The following MGAT4A variants were observed in gnomAD, a reference collection of about 807,000 sequenced individuals.
MGAT4A encodes the protein alpha-1,3-mannosyl-glycoprotein 4-beta-N-acetylglucosaminyltransferase A.
In MGAT4A, 33 loss-of-function variants were observed where a neutral mutation model predicts 74.1. The observed-to-expected ratio is 0.45, with a 90% CI of 0.34 to 0.60. MGAT4A has a LOEUF of 0.60. MGAT4A is among the 20% of genes least tolerant of loss of function. The pLI is 0.02. For missense variants in MGAT4A, 479 were observed against 628.3 expected (o/e 0.76, Z 2.54); for synonymous variants, 198 against 210.4 (o/e 0.94, Z 0.51).
Position 98,623,947 on chromosome 2 carries a change from A to T in MGAT4A, c.*1619T>A. ...ATCCATCTCTGCCCGTCTGCAACCAACCTGCAACCCACTTGTGGCACCCCA... is the reference window on the plus strand; with the variant it reads ...ATCCATCTCTGCCCGTCTGCAACCATCCTGCAACCCACTTGTGGCACCCCA... On this transcript the variant is annotated 3_prime_UTR_variant, in exon 16 of 16. Transcript: ENST00000393487. 1.0e-6 allele frequency: 1 copy of T among 985,096 alleles called. No individual in the cohort carries two copies. The highest frequency in any genetic ancestry group is 1.2e-6 in the Non-Finnish European group (1 of 829,952). 61.0% of individuals were successfully genotyped at this position (985,096 alleles called of 1,614,324 possible).
chr2:98,643,135 G>A (rs1272081810), intron 10 of MGAT4A, among the ~76,000 whole-genome samples: 1 of 151,600 alleles, frequency 6.6e-6, no homozygotes, highest in East Asian at 1.9e-4. Flanking sequence ...TTTTTTTTCA[G>A]AGACACAATT....
intron 14 of MGAT4A, among the ~76,000 whole-genome samples, chr2:98,626,667 C>A (rs1701149414): frequency 6.6e-6 from 1 of 151,988 alleles, no homozygotes. Flanking sequence ...GGTGGAAATT[C>A]AATATATAAT....
At chr2:98,702,998 A>T (rs1702373103) in intron 2 of MGAT4A, among the ~76,000 whole-genome samples, 1 of 152,250 alleles carries the variant, frequency 6.6e-6, no homozygotes, top group Non-Finnish European at 1.5e-5. Context: ...CAAAGGAAAA[A>T]GAAACCAGGA....
intron 2 of MGAT4A, among the ~76,000 whole-genome samples, chr2:98,702,764 A>G (rs1234635751): frequency 6.6e-6 from 1 of 152,220 alleles, no homozygotes; most frequent in Non-Finnish European, 1.5e-5. Context: ...CAACCTCTCT[A>G]GGAAACCAGG....
chr2:98,644,188 A>G, intron 9 of MGAT4A, 135 bp from the exon 10 acceptor site: 1 of 916,248 alleles, frequency 1.1e-6, no homozygotes, highest in Non-Finnish European at 1.5e-6. Flanking sequence ...CAATTTCCCC[A>G]CTTGTATTAT....
intron 2 of MGAT4A, among the ~76,000 whole-genome samples, chr2:98,706,494 T>C (rs997447229): frequency 6.6e-6 from 1 of 152,118 alleles, no homozygotes; most frequent in Non-Finnish European, 1.5e-5. Flanking sequence ...CATGCCCAGC[T>C]AATTTTTGTA....
chr2:98,623,944 C>G lies in MGAT4A; in HGVS notation c.*1622G>C. The G allele has an allele frequency of 2.0e-6, 2 of 985,480 alleles. No homozygotes were observed. Among genetic ancestry groups the G allele is most frequent in the Non-Finnish European group, 2.4e-6 (2 of 829,976 alleles). 61.0% of individuals were successfully genotyped at this position (985,480 alleles called of 1,614,324 possible). ...AGAATCCATCTCTGCCCGTCTGCAA[C>G]CAACCTGCAACCCACTTGTGGCACC... On this transcript the variant is annotated 3_prime_UTR_variant, in exon 16 of 16. Transcript: ENST00000393487.
At chr2:98,689,301 T>G (rs1164388990) in intron 2 of MGAT4A, among the ~76,000 whole-genome samples, 1 of 152,198 alleles carries the variant, frequency 6.6e-6, no homozygotes, top group Non-Finnish European at 1.5e-5. Context: ...ATCTGACAAC[T>G]GTAGGACAAA....
intron 12 of MGAT4A, among the ~76,000 whole-genome samples, chr2:98,638,962 G>A (rs934455281): frequency 1.7e-4 from 26 of 152,136 alleles, no homozygotes; most frequent in African/African-American, 5.8e-4. Flanking sequence ...ACCCAAACCT[G>A]AAGAAGGACT....
chr2:98,706,941 C>T (rs1702447728), intron 2 of MGAT4A, among the ~76,000 whole-genome samples: 1 of 150,576 alleles, frequency 6.6e-6, no homozygotes, highest in South Asian at 2.1e-4. Context: ...CTGGGCTGGG[C>T]ACGGTGGCTT....
rs777890448 is a variant in MGAT4A at position 98,638,247 on chromosome 2, T to C, written c.1322+1561A>G. 2.6e-5 allele frequency among the ~76,000 whole-genome samples: 4 copies of C among 152,244 alleles called. No individual in the cohort carries two copies. The East Asian group carries it at 5.8e-4, about 22-fold the overall frequency. The stretch of plus-strand genomic sequence containing the variant: ...CTATGTACATAATATATGTAAAACA[T>C]TGTTTTTATTTTTCAAAAAATCCTT... On this transcript the variant is annotated intron_variant, in intron 12 of 15. Coordinates refer to ENST00000393487, the MANE Select transcript of MGAT4A (RefSeq NM_012214.3).
chr2:98,708,211 T>C (rs1278133475), intron 2 of MGAT4A, among the ~76,000 whole-genome samples: 1 of 151,942 alleles, frequency 6.6e-6, no homozygotes, highest in Non-Finnish European at 1.5e-5. Context: ...TATGGGATCC[T>C]CCCACCTTGG....
chr2:98,710,147 A>G (rs1301237330), intron 2 of MGAT4A, among the ~76,000 whole-genome samples: 1 of 152,210 alleles, frequency 6.6e-6, no homozygotes, highest in East Asian at 1.9e-4. Flanking sequence ...TCCTCGTGAA[A>G]GGAACTAGGA....
At chr2:98,663,269 A>G in intron 4 of MGAT4A, 90 bp from the exon 5 acceptor site, 3 of 1,521,526 alleles carry the variant, frequency 2.0e-6, no homozygotes, top group East Asian at 2.3e-5. Context: ...ACCCTCTCAA[A>G]TTGATAGGAA....
intron 14 of MGAT4A, among the ~76,000 whole-genome samples, chr2:98,630,501 G>A (rs1701214935): frequency 6.6e-6 from 1 of 152,074 alleles, no homozygotes; most frequent in African/African-American, 2.4e-5. Context: ...AAGGGGAAGA[G>A]AAGAGAAGCT....
chr2:98,703,285 A>C (rs958185590), intron 2 of MGAT4A, among the ~76,000 whole-genome samples: 2 of 152,208 alleles, frequency 1.3e-5, no homozygotes, highest in Admixed American at 6.5e-5. Flanking sequence ...AGCAGATTTC[A>C]GATGGCAGAA....
intron 4 of MGAT4A, among the ~76,000 whole-genome samples, chr2:98,667,140 C>A (rs747683787): frequency 2.6e-5 from 4 of 152,134 alleles, no homozygotes; most frequent in Admixed American, 6.5e-5. Flanking sequence ...ACTTGCTCCT[C>A]CTTGCCTTCT....
intron 4 of MGAT4A, among the ~76,000 whole-genome samples, chr2:98,667,965 G>A (rs552404249): frequency 5.3e-5 from 8 of 152,174 alleles, no homozygotes; most frequent in South Asian, 2.1e-4. Flanking sequence ...TGATCCACCC[G>A]CCTCGGCCTC....
At chr2:98,672,800 A>G (rs992248737) in intron 4 of MGAT4A, among the ~76,000 whole-genome samples, 1 of 152,214 alleles carries the variant, frequency 6.6e-6, no homozygotes, top group African/African-American at 2.4e-5. Flanking sequence ...ATTTTTAAAT[A>G]TAATCATTGA....
Sources: gnomAD v4.1 joint callset for allele counts (sites outside exome capture counted in the v4.1 genomes callset) on GRCh38, gnomAD v4.1.1 for gene constraint, MANE v1.5 for transcripts, NCBI Gene and HGNC (gene_info 2026-07-23, HGNC 2026-07-21) for gene names.